The following TFR2 variants were observed in gnomAD, a reference collection of about 807,000 sequenced individuals.
The protein encoded by TFR2 is transferrin receptor 2.
Under a neutral mutation model 91.9 loss-of-function variants are expected in TFR2, and 64 were observed. The ratio of observed to expected loss-of-function variants is 0.70; its 90% CI spans 0.57 to 0.86. TFR2 has a LOEUF of 0.86. Ranked by LOEUF, TFR2 falls within the 40% of genes least tolerant of loss-of-function variation. The pLI is 0.00. For missense variants in TFR2, 950 were observed against 1,080.5 expected (o/e 0.88, Z 1.69); for synonymous variants, 454 against 459.6 (o/e 0.99, Z 0.15).
At chr7:100,631,975 T>C in intron 7 of TFR2, 30 bp from the exon 8 acceptor site, 1 of 1,614,020 alleles carries the variant, frequency 6.2e-7, no homozygotes, top group Non-Finnish European at 8.5e-7. Flanking sequence ...CACGCAAAGC[T>C]GCGAGCTGGG....
At position 100,633,334 on chromosome 7, in the gene TFR2, G is replaced by A. The variant is rs1477105516; in HGVS notation, c.621C>T (p.His207=). 4.3e-6 allele frequency: 7 copies of A among 1,613,292 alleles called. No individual in the cohort carries two copies. Among genetic ancestry groups the A allele is most frequent in the Non-Finnish European group, 5.1e-6 (6 of 1,179,788 alleles). Residue 207 remains histidine (H), a synonymous_variant, in exon 5 of 18, where the codon CAC becomes CAT. Transcript: ENST00000223051. ...CATCGACCCAGTGCAGGGTGTTGGG[G>A]TGAGCCCTGGGGAGCGGGGCTGGTG... ...YVGLQFPDPA[H]PNTLHWVDEA...
At chr7:100,637,421 A>G (rs1803595880) in intron 3 of TFR2, among the ~76,000 whole-genome samples, 1 of 151,588 alleles carries the variant, frequency 6.6e-6, no homozygotes, top group Admixed American at 6.6e-5. Flanking sequence ...GAAAAAAACA[A>G]AAAACAAACA....
chr7:100,631,161 T>G, intron 8 of TFR2, 109 bp from the exon 9 acceptor site: 1 of 1,279,234 alleles, frequency 7.8e-7, no homozygotes. Flanking sequence ...TCCAGATCGC[T>G]GCCTCTGGAC....
intron 1 of TFR2, 32 bp from the exon 2 acceptor site, chr7:100,641,260 C>T (rs936683668): frequency 6.6e-7 from 1 of 1,526,228 alleles, no homozygotes; most frequent in African/African-American, 1.4e-5. Context: ...GAGATTGGGG[C>T]AAGAGGCCTG....
chr7:100,638,962 CA>C (rs1803634532), intron 3 of TFR2, among the ~76,000 whole-genome samples: 1 of 152,044 alleles, frequency 6.6e-6, no homozygotes, highest in African/African-American at 2.4e-5. Context: ...GGTCTTTCAG[CA>C]GGTGAATCCA....
chr7:100,620,717 T>G lies in TFR2; in HGVS notation c.*140A>C. The G allele has an allele frequency of 1.7e-6, 2 of 1,206,502 alleles. No homozygotes were observed. The highest frequency in any genetic ancestry group is 1.2e-6 in the Non-Finnish European group (1 of 848,816). 74.7% of individuals were successfully genotyped at this position (1,206,502 alleles called of 1,614,324 possible). ...TATCTGTGCTGGGGTCTGGGCTCCG[T>G]GGAGAGATGTGTAGGGGTAATGAGA... On this transcript the variant is annotated 3_prime_UTR_variant, in exon 18 of 18. Coordinates refer to ENST00000223051, the MANE Select transcript of TFR2 (RefSeq NM_003227.4).
At chr7:100,628,962 C>T (rs1256243302) in intron 10 of TFR2, among the ~76,000 whole-genome samples, 3 of 151,778 alleles carry the variant, frequency 2.0e-5, no homozygotes, top group African/African-American at 7.3e-5. Flanking sequence ...AGGGTTTCAC[C>T]ATGTTGGCTA....
chr7:100,627,594 C>G lies in TFR2; in HGVS notation c.1750G>C (p.Glu584Gln), dbSNP rs1803302403. 2 of 1,614,074 alleles carry G rather than the reference C, an allele frequency of 1.2e-6. No homozygotes were observed. Among genetic ancestry groups the G allele is most frequent in the Non-Finnish European group, 1.7e-6 (2 of 1,179,996 alleles). The change falls in exon 15 of 18, where the codon GAG becomes CAG. Residue 584 changes from glutamate (E) to glutamine (Q), a missense_variant. Coordinates refer to ENST00000223051, the MANE Select transcript of TFR2 (RefSeq NM_003227.4). The part of the protein sequence containing the change: ...FTAFVGVPAV[E>Q]FSFMEDDQAY... ...CGTCTCACCTCCATAAAGGAGAACTCGACGGCAGGGACTCCCACAAAGGCC... is the reference window on the plus strand; with the variant it reads ...CGTCTCACCTCCATAAAGGAGAACTGGACGGCAGGGACTCCCACAAAGGCC...
intron 16 of TFR2, 88 bp from the exon 17 acceptor site, chr7:100,626,991 G>GAC: frequency 3.4e-6 from 5 of 1,464,974 alleles, no homozygotes; most frequent in Non-Finnish European, 4.5e-6. Context: ...CTAGCATGGG[G>GAC]AAGGGGGCTG....
At chr7:100,630,264 TTCTCTTTC>T (rs1201292786) in intron 9 of TFR2, among the ~76,000 whole-genome samples, 5 of 151,714 alleles carry the variant, frequency 3.3e-5, no homozygotes, top group African/African-American at 1.2e-4. Flanking sequence ...CTTTTTTTCT[TTCTCTTTC>T]TCTCTTTCTT....
At chr7:100,629,412 C>T (rs368929184) in intron 9 of TFR2, 40 bp from the exon 10 acceptor site, 31 of 1,611,752 alleles carry the variant, frequency 1.9e-5, no homozygotes, top group Middle Eastern at 1.6e-4. Flanking sequence ...TGACACTGCA[C>T]CCTGCACCCT....
intron 14 of TFR2, 22 bp from the exon 15 acceptor site, chr7:100,627,683 C>G: frequency 6.2e-7 from 1 of 1,613,756 alleles, no homozygotes; most frequent in African/African-American, 1.3e-5. Context: ...TGGGTTGGAG[C>G]GATCTGTGGG....
At chr7:100,624,911 G>A (rs897726178) in intron 17 of TFR2, among the ~76,000 whole-genome samples, 1 of 151,550 alleles carries the variant, frequency 6.6e-6, no homozygotes, top group Non-Finnish European at 1.5e-5. Flanking sequence ...GTTTGAATTT[G>A]GCCAATGGGC....
rs113171883 is a variant in TFR2 at position 100,625,089 on chromosome 7, C to T, written c.2136+1674G>A. Among the ~76,000 whole-genome samples the T allele has an allele frequency of 8.7e-3, 1,042 of 120,382 alleles. 9 individuals carry two copies. Among genetic ancestry groups the T allele is most frequent in the Middle Eastern group, 0.023 (4 of 174 alleles). The allele number at this position is 120,382 out of a possible 152,430, so 79.0% of individuals were successfully genotyped here. On this transcript the variant is annotated intron_variant, in intron 17 of 17. Coordinates refer to ENST00000223051, the MANE Select transcript of TFR2 (RefSeq NM_003227.4). ...TTTTTTTTTTTTTGAGATGGATTTTCGCTCTTGTTGCCCAGGCTGGAGTGC... is the reference window on the plus strand; with the variant it reads ...TTTTTTTTTTTTTGAGATGGATTTTTGCTCTTGTTGCCCAGGCTGGAGTGC...
In TFR2 at chr7:100,633,487, C is replaced by T; in HGVS notation, c.543G>A (p.Ala181=). 1 of 1,612,030 alleles carries T rather than the reference C, an allele frequency of 6.2e-7. No individual in the cohort carries two copies. The highest frequency in any genetic ancestry group is 8.5e-7 in the Non-Finnish European group (1 of 1,179,896). The part of the protein sequence containing the change: ...GMAALTQDIR[A]ALSRQKLDHV... ...GGTCCAGCTTCTGGCGGGAGAGCGC[C>T]GCGCGAATGTCCTGAGTCAGAGCGG... The change falls in exon 4 of 18, where the codon GCG becomes GCA. Residue 181 remains alanine (A), a synonymous_variant. Coordinates refer to ENST00000223051, the MANE Select transcript of TFR2 (RefSeq NM_003227.4).
In TFR2 at chr7:100,627,649, T is replaced by C; in HGVS notation, c.1695A>G (p.Leu565=). ...AGGAATAGGCACTGCTGTCCATGGG[T>C]AGGGGCCGGATCCTGGGGGCAGGTG... The part of the protein sequence containing the change: ...PSWDAEVIRP[L]PMDSSAYSFT... Residue 565 remains leucine, a synonymous_variant, in exon 15 of 18, where the codon CTA becomes CTG. Coordinates refer to ENST00000223051, the MANE Select transcript of TFR2 (RefSeq NM_003227.4). The C allele has an allele frequency of 6.2e-7, 1 of 1,614,008 alleles. No individual in the cohort carries two copies.
rs776023736 is a variant in TFR2 at position 100,631,941 on chromosome 7, TGCA to T, written c.968_970del (p.Val323_His324delinsAsp). 6.2e-7 allele frequency: 1 copy of T among 1,613,900 alleles called. No individual in the cohort carries two copies. Among genetic ancestry groups the T allele is most frequent in the South Asian group, 1.1e-5 (1 of 91,074 alleles). On this transcript the variant is annotated inframe_deletion and splice_region_variant, in exon 8 of 18. Transcript: ENST00000223051. ...TGTGTAGGGGTCTCCAGTTCCCAGG[TGCA>T]CCTGCAGGGAAAGGGGTGCCCACGC...
chr7:100,622,006 C>T (rs567528114), intron 17 of TFR2, among the ~76,000 whole-genome samples: 1 of 152,268 alleles, frequency 6.6e-6, no homozygotes, highest in South Asian at 2.1e-4. Flanking sequence ...AAATCAGAAT[C>T]TCTAGGGGGT....
intron 10 of TFR2, 64 bp downstream of exon 10, chr7:100,629,189 A>G (rs1287602351): frequency 6.2e-7 from 1 of 1,603,920 alleles, no homozygotes; most frequent in Non-Finnish European, 8.5e-7. Flanking sequence ...TCTCTGCCCT[A>G]TCCTCCTCGG....
Sources: allele counts gnomAD v4.1 joint callset (sites outside exome capture counted in the v4.1 genomes callset), GRCh38; gene constraint gnomAD v4.1.1; transcripts MANE v1.5; gene names NCBI Gene and HGNC (gene_info 2026-07-23, HGNC 2026-07-21).